Variants in TERB1 observed in about 807,000 individuals in gnomAD.
The protein encoded by TERB1 is telomere repeat binding bouquet formation protein 1.
Under a neutral mutation model 92.3 loss-of-function variants are expected in TERB1, and 63 were observed. The observed-to-expected ratio is 0.68, with a 90% CI of 0.56 to 0.84. The LOEUF (loss-of-function observed/expected upper bound fraction) is 0.84, where lower values mean the gene tolerates loss of function less well. Among genes scored for constraint, TERB1 ranks in the 40% least tolerant of loss-of-function variants. The pLI, the probability that TERB1 is intolerant of heterozygous loss-of-function variation, is 0.00. For synonymous variants in TERB1, 252 were observed against 283.9 expected (o/e 0.89, Z 1.13); for missense variants, 709 against 843.7 (o/e 0.84, Z 1.98).
At chr16:66,765,510 T>C (rs1020770167) in intron 16 of TERB1, among the ~76,000 whole-genome samples, 23 of 151,624 alleles carry the variant, frequency 1.5e-4, no homozygotes, top group Non-Finnish European at 2.6e-4. Context: ...AAGGCTGGAG[T>C]GCAATGGCAT....
In TERB1 at chr16:66,801,465, TAC is replaced by T. The variant is rs1959297798; in HGVS notation, c.-110+1_-110+2del. 1.3e-5 allele frequency: 2 copies of T among 152,148 alleles called. No individual in the cohort carries two copies. The highest frequency in any genetic ancestry group is 2.4e-5 in the African/African-American group (1 of 41,430). 9.4% of individuals were successfully genotyped at this position (152,148 alleles called of 1,614,324 possible). A position where few individuals can be genotyped will look rare whatever the true frequency, so the allele number is the denominator to read the frequency against. ...AACCCGCCTTACACAGGCGCCAACA[TAC>T]AGAGTTTCCAAGCGCGGTAAGGCAG... On this transcript the variant is annotated splice_donor_variant, in intron 1 of 18. Transcript: ENST00000433154. LOFTEE classifies it low-confidence loss of function (5UTR_SPLICE).
chr16:66,765,849 ATTTTTTTTTTTTTTTTT>A (rs10564947), intron 16 of TERB1, among the ~76,000 whole-genome samples: 8 of 62,504 alleles, frequency 1.3e-4, no homozygotes, highest in East Asian at 6.2e-4. Flanking sequence ...ACTATTGGGT[ATTTTTTTTTTTTTTTTT>A]TTTTTTTTTT....
At chr16:66,772,787 T>C (rs1212418079) in intron 12 of TERB1, 38 bp from the exon 13 acceptor site, 13 of 1,454,320 alleles carry the variant, frequency 8.9e-6, no homozygotes, top group East Asian at 7.5e-5. Flanking sequence ...TGAAAAGTTA[T>C]TTAAACACTT....
intron 13 of TERB1, 107 bp downstream of exon 13, chr16:66,772,481 CA>C (rs957404222): frequency 1.5e-4 from 161 of 1,065,362 alleles, no homozygotes; most frequent in Non-Finnish European, 1.6e-4. Flanking sequence ...GACTCTGTCT[CA>C]AAAAAAATTA....
chr16:66,755,151 ATTC>A lies in TERB1; in HGVS notation c.2006_2008del (p.Arg669del), dbSNP rs775238096. 2.0e-5 allele frequency: 31 copies of A among 1,529,314 alleles called. No homozygotes were observed. Among genetic ancestry groups the A allele is most frequent in the Admixed American group, 2.0e-4 (10 of 50,450 alleles). 94.7% of individuals were successfully genotyped at this position (1,529,314 alleles called of 1,614,324 possible). On this transcript the variant is annotated inframe_deletion, in exon 19 of 19. Transcript: ENST00000433154. ...TTCTTCTTCAGTAAAGTTTTTGCGA[ATTC>A]TTCTTTTTTCTATAATTAGAATTGT...
At chr16:66,764,068 T>C (rs1417815209) in intron 16 of TERB1, among the ~76,000 whole-genome samples, 2 of 122,904 alleles carry the variant, frequency 1.6e-5, no homozygotes, top group African/African-American at 3.5e-5. Context: ...TTGAAAGCCA[T>C]GCTAAGGAAT....
chr16:66,777,200 T>C lies in TERB1; in HGVS notation c.985+3A>G. ...AACCACACTCAATAAATCCAATACT[T>C]ACCACAATCCTCTGTGCAATGACCA... On this transcript the variant is annotated splice_donor_region_variant and intron_variant, in intron 11 of 18. Coordinates refer to ENST00000433154, the MANE Select transcript of TERB1 (RefSeq NM_001136505.2). 1 of 1,543,388 alleles carries C rather than the reference T, an allele frequency of 6.5e-7. No homozygotes were observed. Among genetic ancestry groups the C allele is most frequent in the Non-Finnish European group, 8.7e-7 (1 of 1,143,828 alleles).
chr16:66,755,276 T>A (rs1166277494), intron 18 of TERB1, 113 bp from the exon 19 acceptor site: 14 of 680,554 alleles, frequency 2.1e-5, no homozygotes, highest in Non-Finnish European at 3.1e-5. Flanking sequence ...AACTACAGAG[T>A]GAGAAATGCC....
intron 5 of TERB1, among the ~76,000 whole-genome samples, 184 bp downstream of exon 5, chr16:66,790,407 CGAAA>C (rs2018811569): frequency 8.7e-6 from 1 of 115,150 alleles, no homozygotes; most frequent in Non-Finnish European, 1.7e-5. Flanking sequence ...GGAAAGGAAA[CGAAA>C]GGAAAGGAAA....
chr16:66,778,860 C>G lies in TERB1; in HGVS notation c.853+3G>C. 1.3e-6 allele frequency: 2 copies of G among 1,481,774 alleles called. No homozygotes were observed. Among genetic ancestry groups the G allele is most frequent in the Non-Finnish European group, 1.8e-6 (2 of 1,102,662 alleles). 91.8% of individuals were successfully genotyped at this position (1,481,774 alleles called of 1,614,324 possible). Reference sequence around the variant, plus strand: ...AAAAAAACTAGTAAGCACTGTCACTCACGATTATCAGCAATGCATGCATCC... The same window carrying G: ...AAAAAAACTAGTAAGCACTGTCACTGACGATTATCAGCAATGCATGCATCC... On this transcript the variant is annotated splice_donor_region_variant and intron_variant, in intron 10 of 18. Transcript: ENST00000433154.
Position 66,768,159 on chromosome 16 carries a change from A to C in TERB1, c.1629T>G (p.Val543=). 6.5e-7 allele frequency: 1 copy of C among 1,548,862 alleles called. No homozygotes were observed. The highest frequency in any genetic ancestry group is 8.7e-7 in the Non-Finnish European group (1 of 1,144,488). ...TGGCAATGTGAACTGGGTGTTTAAA[A>C]ACATGGTCACTAAAAGAAAATAGAC... ...KNFVSQSSDH[V]FKHPVHIAKN... The change falls in exon 15 of 19, where the codon GTT becomes GTG. Residue 543 remains valine (V), a synonymous_variant. Transcript: ENST00000433154.
intron 5 of TERB1, among the ~76,000 whole-genome samples, chr16:66,789,881 T>C (rs1367066199): frequency 6.6e-6 from 1 of 151,824 alleles, no homozygotes; most frequent in South Asian, 2.1e-4. Flanking sequence ...GGCTGATTAT[T>C]TGTATTTTTG....
chr16:66,758,110 C>T (rs1273781077), intron 18 of TERB1, among the ~76,000 whole-genome samples: 1 of 152,170 alleles, frequency 6.6e-6, no homozygotes, highest in African/African-American at 2.4e-5. Flanking sequence ...AATCTAAGTT[C>T]TGCCACTTAC....
chr16:66,797,707 C>T (rs1959205441), intron 2 of TERB1, among the ~76,000 whole-genome samples: 1 of 149,560 alleles, frequency 6.7e-6, no homozygotes, highest in Non-Finnish European at 1.5e-5. Flanking sequence ...ACTAAATTAA[C>T]AACCCATGGT....
At chr16:66,800,391 A>ATT (rs1959239416) in intron 2 of TERB1, among the ~76,000 whole-genome samples, 1 of 117,838 alleles carries the variant, frequency 8.5e-6, no homozygotes, top group Non-Finnish European at 1.8e-5. Flanking sequence ...AAATAAAGAA[A>ATT]GTTTTTTTTT....
At chr16:66,755,361 CTG>C (rs2018120876) in intron 18 of TERB1, among the ~76,000 whole-genome samples, 198 bp from the exon 19 acceptor site, 1 of 152,328 alleles carries the variant, frequency 6.6e-6, no homozygotes, top group African/African-American at 2.4e-5. Flanking sequence ...GTTGCTATCA[CTG>C]TGACTTCTTC....
intron 16 of TERB1, among the ~76,000 whole-genome samples, chr16:66,764,437 AAGC>A (rs767569637): frequency 2.0e-5 from 3 of 152,330 alleles, no homozygotes; most frequent in Non-Finnish European, 4.4e-5. Context: ...TAACAAGTGG[AAGC>A]AGGACAAAAT....
intron 1 of TERB1, 103 bp from the exon 2 acceptor site, chr16:66,801,156 G>T (rs1055204632): frequency 2.6e-5 from 4 of 152,660 alleles, no homozygotes; most frequent in Non-Finnish European, 5.8e-5. Flanking sequence ...ATGCGGCCCG[G>T]CCCTGGCCCT....
intron 18 of TERB1, among the ~76,000 whole-genome samples, chr16:66,757,435 T>C (rs1019215546): frequency 2.0e-5 from 3 of 152,208 alleles, no homozygotes; most frequent in Non-Finnish European, 4.4e-5. Context: ...TATTATTAAT[T>C]TGATGCCAAG....
Sources: allele counts gnomAD v4.1 joint callset (sites outside exome capture counted in the v4.1 genomes callset), GRCh38; gene constraint gnomAD v4.1.1; transcripts MANE v1.5; gene names NCBI Gene and HGNC (gene_info 2026-07-23, HGNC 2026-07-21).